TRPM1: variants seen among roughly 807,000 people sequenced by gnomAD.
The protein encoded by TRPM1 is TRPM1-203 APA Isoform, Intron 10.
A neutral mutation model predicts 149.4 loss-of-function variants in TRPM1; 113 were observed. The ratio of observed to expected loss-of-function variants is 0.76; its 90% confidence interval spans 0.65 to 0.88. The LOEUF is 0.88. Among genes scored for constraint, TRPM1 ranks in the 40% least tolerant of loss-of-function variants. The pLI is 0.00. For synonymous variants in TRPM1, 741 were observed against 759.5 expected, an observed-to-expected ratio of 0.98 and a Z score of 0.40; for missense variants, 1,976 against 2,038.7, an observed-to-expected ratio of 0.97 and a Z score of 0.59.
At chr15:31,072,409 TTATC>T (rs1436945265) in intron 3 of TRPM1, among the ~76,000 whole-genome samples, 1 of 152,136 alleles carries the variant, frequency 6.6e-6, no homozygotes, top group Non-Finnish European at 1.5e-5. Flanking sequence ...AACATTTTGT[TTATC>T]TATTTATCAT....
chr15:31,026,182 G>A lies in TRPM1; in HGVS notation c.3586C>T (p.Gln1196Ter), dbSNP rs750308120. ...QEHFREKEDE[Q>*]QSSSDERIRV... ...ATGCGCTCGTCGCTGGACGACTGCT[G>A]CTCATCCTCCTTCTCCCGGAAGTGC... Residue 1196 changes from glutamine (Q) to a stop codon, truncating the protein, a stop_gained, in exon 27 of 28, where the codon CAG becomes TAG. Coordinates refer to ENST00000256552, the MANE Select transcript of TRPM1 (RefSeq NM_001252024.2). LOFTEE classifies it low-confidence loss of function (END_TRUNC). 2.5e-6 allele frequency: 4 copies of A among 1,612,352 alleles called. No individual in the cohort carries two copies. Among genetic ancestry groups the A allele is most frequent in the South Asian group, 1.1e-5 (1 of 91,092 alleles).
At chr15:31,159,426 C>G (rs376127747) in intron 1 of TRPM1, among the ~76,000 whole-genome samples, 1 of 152,208 alleles carries the variant, frequency 6.6e-6, no homozygotes, top group Non-Finnish European at 1.5e-5. Context: ...GTGGAGCCAC[C>G]TGGCCCGGGC....
chr15:31,070,604 G>A, intron 3 of TRPM1: 1 of 419,318 alleles, frequency 2.4e-6, no homozygotes, highest in South Asian at 1.8e-5. Flanking sequence ...TCAGGTTGGA[G>A]TGTAGTGGCG....
intron 3 of TRPM1, among the ~76,000 whole-genome samples, chr15:31,075,729 G>A (rs2034670976): frequency 6.6e-6 from 1 of 152,206 alleles, no homozygotes; most frequent in South Asian, 2.1e-4. Flanking sequence ...GCTGAGCTGG[G>A]CAGAGGGAGG....
At chr15:31,087,262 T>TTTTTTTTTTTTTTTG (rs2035029172) in intron 1 of TRPM1, among the ~76,000 whole-genome samples, 1 of 138,402 alleles carries the variant, frequency 7.2e-6, no homozygotes, top group African/African-American at 3.0e-5. Flanking sequence ...TTTTTTTTTT[T>TTTTTTTTTTTTTTTG]GAGACGGAGT....
chr15:31,121,240 A>G (rs1261447452), intron 1 of TRPM1, among the ~76,000 whole-genome samples: 2 of 151,370 alleles, frequency 1.3e-5, no homozygotes, highest in African/African-American at 2.4e-5. Flanking sequence ...AAAAAAAAAA[A>G]AAAAGAAAGC....
intron 1 of TRPM1, among the ~76,000 whole-genome samples, chr15:31,082,465 A>G (rs1199992472): frequency 6.6e-6 from 1 of 152,050 alleles, no homozygotes; most frequent in African/African-American, 2.4e-5. Context: ...AATGGCTTTG[A>G]GTGGTTTTGA....
In TRPM1 at chr15:31,027,132, CA is replaced by C. The variant is rs774564622; in HGVS notation, c.3294-16del. On this transcript the variant is annotated splice_polypyrimidine_tract_variant and intron_variant, in intron 25 of 27. Transcript: ENST00000256552. The stretch of plus-strand genomic sequence containing the variant: ...AGAAGGTATTGCTTTAAAAAGAAGA[CA>C]TTTTTACAGTTAGTTATATTACTTT... 25 of 1,610,098 alleles carry C rather than the reference CA, an allele frequency of 1.6e-5. No homozygotes were observed. Among genetic ancestry groups the C allele is most frequent in the Non-Finnish European group, 2.0e-5 (24 of 1,177,136 alleles).
chr15:31,049,581 A>T lies in TRPM1; in HGVS notation c.1438-72T>A, dbSNP rs1332500212. 3.8e-6 allele frequency: 6 copies of T among 1,574,722 alleles called. No individual in the cohort carries two copies. In the East Asian group the frequency reaches 1.3e-4, roughly 35 times the overall value. ...ACAGGGGAGGGGGGCGACTGGAAAC[A>T]CAGAGGAAAGGGTATTCCGAACGCC... On this transcript the variant is annotated intron_variant, in intron 12 of 27. Transcript: ENST00000256552.
rs200151910 is a variant in TRPM1 at position 31,037,854 on chromosome 15, A to T, written c.2440-12T>A. The T allele has an allele frequency of 1.5e-4, 235 of 1,614,012 alleles. 2 individuals are homozygous for T. The highest frequency in any genetic ancestry group is 3.6e-5 in the Non-Finnish European group (42 of 1,179,990). On this transcript the variant is annotated splice_polypyrimidine_tract_variant and intron_variant, in intron 19 of 27. Transcript: ENST00000256552. ...TCTGCATTTGCATCCTGGAAAACAGAGCACAGCACATGACAGGCAGGTGGC... is the reference window on the plus strand; with the variant it reads ...TCTGCATTTGCATCCTGGAAAACAGTGCACAGCACATGACAGGCAGGTGGC...
rs1365477799 is a variant in TRPM1 at position 31,065,995 on chromosome 15, G to T, written c.790+81C>A. ...CAAGGTTAATCTTCTAATCCCCTTGGGCAATCAATCTCCTTCTCAGCCTTG... is the reference window on the plus strand; with the variant it reads ...CAAGGTTAATCTTCTAATCCCCTTGTGCAATCAATCTCCTTCTCAGCCTTG... On this transcript the variant is annotated intron_variant, in intron 7 of 27. Coordinates refer to ENST00000256552, the MANE Select transcript of TRPM1 (RefSeq NM_001252024.2). 2.0e-6 allele frequency: 3 copies of T among 1,517,446 alleles called. No homozygotes were observed. In the Admixed American group the frequency reaches 5.3e-5, roughly 27 times the overall value. The allele number at this position is 1,517,446 out of a possible 1,614,324, so 94.0% of individuals were successfully genotyped here. A position where few individuals can be genotyped will look rare whatever the true frequency, so the allele number is the denominator to read the frequency against.
intron 1 of TRPM1, among the ~76,000 whole-genome samples, chr15:31,088,822 G>C (rs2035104423): frequency 6.6e-6 from 1 of 151,688 alleles, no homozygotes; most frequent in Non-Finnish European, 1.5e-5. Flanking sequence ...CGTCAGAGGA[G>C]GCCTTTGTAC....
chr15:31,137,697 C>T (rs1350095424), intron 1 of TRPM1, among the ~76,000 whole-genome samples: 1 of 152,208 alleles, frequency 6.6e-6, no homozygotes, highest in Non-Finnish European at 1.5e-5. Flanking sequence ...ACCCCTACTG[C>T]TCCTCTCTAT....
chr15:31,147,571 G>T (rs745865684), intron 1 of TRPM1, among the ~76,000 whole-genome samples: 1 of 152,232 alleles, frequency 6.6e-6, no homozygotes, highest in Non-Finnish European at 1.5e-5. Context: ...TTTGGACTAA[G>T]GATTCCCAGT....
At chr15:31,064,408 C>A (rs993404954) in intron 7 of TRPM1, among the ~76,000 whole-genome samples, 1 of 152,074 alleles carries the variant, frequency 6.6e-6, no homozygotes, top group Non-Finnish European at 1.5e-5. Flanking sequence ...GGTGGCAGAA[C>A]CTGCAGGCAT....
At chr15:31,084,484 C>T (rs2034943470) in intron 1 of TRPM1, among the ~76,000 whole-genome samples, 1 of 152,106 alleles carries the variant, frequency 6.6e-6, no homozygotes, top group African/African-American at 2.4e-5. Flanking sequence ...GTGTCTGGCT[C>T]CTTTTGCTCG....
At chr15:31,126,477 C>T (rs2035952942) in intron 1 of TRPM1, among the ~76,000 whole-genome samples, 1 of 152,192 alleles carries the variant, frequency 6.6e-6, no homozygotes, top group African/African-American at 2.4e-5. Flanking sequence ...ACTCCTCTTC[C>T]TTTCACAACT....
intron 1 of TRPM1, among the ~76,000 whole-genome samples, chr15:31,091,761 A>G (rs1025634145): frequency 2.6e-5 from 4 of 152,176 alleles, no homozygotes; most frequent in African/African-American, 7.2e-5. Context: ...TGGGCTGCTC[A>G]TATATTTATA....
intron 27 of TRPM1, among the ~76,000 whole-genome samples, chr15:31,019,160 A>G (rs1318698788): frequency 6.6e-6 from 1 of 152,220 alleles, no homozygotes; most frequent in Non-Finnish European, 1.5e-5. Flanking sequence ...CTTGAGTTCT[A>G]AAACTATTCC....
Sources: gnomAD v4.1 joint callset for allele counts (sites outside exome capture counted in the v4.1 genomes callset) on GRCh38, gnomAD v4.1.1 for gene constraint, MANE v1.5 for transcripts, NCBI Gene and HGNC (gene_info 2026-07-23, HGNC 2026-07-21) for gene names.